The following EPHB1 variants were observed in gnomAD, a reference collection of about 807,000 sequenced individuals.
EPHB1 encodes ephrin type-B receptor 1.
Under a neutral mutation model 94.4 loss-of-function variants are expected in EPHB1, and 30 were observed. That is an observed-to-expected ratio of 0.32 (90% CI 0.24 to 0.43). The LOEUF is 0.43. EPHB1 is among the 20% of genes least tolerant of loss of function. The pLI is 1.00. For missense variants in EPHB1, 1,055 were observed against 1,308.3 expected (o/e 0.81, Z 2.99); for synonymous variants, 522 against 489.1 (o/e 1.07, Z -0.89).
chr3:135,157,686 G>A (rs1476864797), intron 6 of EPHB1, among the ~76,000 whole-genome samples: 1 of 152,188 alleles, frequency 6.6e-6, no homozygotes. Flanking sequence ...CTTCACTTAC[G>A]AAGTGCTTGA....
At chr3:135,055,606 T>C (rs58786669) in intron 3 of EPHB1, among the ~76,000 whole-genome samples, 2,268 of 152,304 alleles carry the variant, frequency 0.015, 69 homozygotes, top group African/African-American at 0.053. Context: ...CCTGGGCATC[T>C]TCCAAGGCTT....
At chr3:135,110,837 C>T (rs1939413270) in intron 4 of EPHB1, among the ~76,000 whole-genome samples, 1 of 152,094 alleles carries the variant, frequency 6.6e-6, no homozygotes, top group South Asian at 2.1e-4. Flanking sequence ...AGTTGTTTCC[C>T]TCTTTTATCC....
chr3:134,799,562 G>A (rs2035895785), intron 1 of EPHB1, among the ~76,000 whole-genome samples: 1 of 152,208 alleles, frequency 6.6e-6, no homozygotes, highest in South Asian at 2.1e-4. Flanking sequence ...GAAAAGTCTT[G>A]GCAATGTAAA....
At chr3:134,902,954 G>A (rs1450967788) in intron 1 of EPHB1, among the ~76,000 whole-genome samples, 1 of 152,206 alleles carries the variant, frequency 6.6e-6, no homozygotes, top group Non-Finnish European at 1.5e-5. Flanking sequence ...TCTTCACCAG[G>A]CATCTGTAAA....
intron 1 of EPHB1, among the ~76,000 whole-genome samples, chr3:134,892,879 C>T (rs957417315): frequency 5.3e-5 from 8 of 151,714 alleles, no homozygotes; most frequent in East Asian, 3.9e-4. Flanking sequence ...GGCCTCTTCT[C>T]GGCAGAATTA....
At chr3:135,110,509 C>G (rs983637568) in intron 4 of EPHB1, among the ~76,000 whole-genome samples, 4 of 152,042 alleles carry the variant, frequency 2.6e-5, no homozygotes, top group African/African-American at 9.7e-5. Context: ...AGACCTGGGG[C>G]AAGTTACTTA....
rs1414270244 is a variant in EPHB1, at chr3:134,923,320, G to A, written c.59-2496G>A. Among the ~76,000 whole-genome samples the A allele has an allele frequency of 5.9e-5, 9 of 152,168 alleles. 1 individual carries two copies. Among genetic ancestry groups the A allele is most frequent in the African/African-American group, 9.7e-5 (4 of 41,446 alleles). On this transcript the variant is annotated intron_variant, in intron 1 of 15. Coordinates refer to ENST00000398015, the MANE Select transcript of EPHB1 (RefSeq NM_004441.5). Reference sequence around the variant, plus strand: ...AGAAGTGCTATCTGGGTTACAGGTAGGCCCATCATGTTAAGCTGTGGAGGA... The same window carrying A: ...AGAAGTGCTATCTGGGTTACAGGTAAGCCCATCATGTTAAGCTGTGGAGGA...
intron 15 of EPHB1, among the ~76,000 whole-genome samples, chr3:135,255,387 A>G (rs1933333312): frequency 6.9e-6 from 1 of 144,134 alleles, no homozygotes; most frequent in Non-Finnish European, 1.5e-5. Flanking sequence ...CACTGCTTTG[A>G]ATGCATCCCA....
chr3:134,952,605 G>A (rs1001265375), intron 3 of EPHB1, among the ~76,000 whole-genome samples: 29 of 152,326 alleles, frequency 1.9e-4, no homozygotes, highest in African/African-American at 6.7e-4. Flanking sequence ...TGGCTTGGCT[G>A]TCTTTCTCTA....
At position 134,923,539 on chromosome 3, in the gene EPHB1, C is replaced by A. The variant is rs116076991; in HGVS notation, c.59-2277C>A. On this transcript the variant is annotated intron_variant, in intron 1 of 15. Transcript: ENST00000398015. ...ATGTTAGTCTGGTGGGGCCATTGGCCACTCCCTCACCTCCCTAGGATGCTG... is the reference window on the plus strand; with the variant it reads ...ATGTTAGTCTGGTGGGGCCATTGGCAACTCCCTCACCTCCCTAGGATGCTG... Among the ~76,000 whole-genome samples the A allele has an allele frequency of 5.7e-3, 871 of 152,274 alleles. 4 individuals carry two copies. The highest frequency in any genetic ancestry group is 0.02 in the African/African-American group (828 of 41,552).
At chr3:134,854,127 A>G (rs1040384562) in intron 1 of EPHB1, among the ~76,000 whole-genome samples, 13 of 152,206 alleles carry the variant, frequency 8.5e-5, no homozygotes, top group African/African-American at 2.9e-4. Context: ...TTGAAGCTCC[A>G]GGCATATGAC....
intron 1 of EPHB1, among the ~76,000 whole-genome samples, chr3:134,867,138 T>C (rs2037397407): frequency 6.6e-6 from 1 of 152,160 alleles, no homozygotes; most frequent in Non-Finnish European, 1.5e-5. Context: ...TTTTATACTC[T>C]AGGTGTAGGC....
intron 12 of EPHB1, among the ~76,000 whole-genome samples, chr3:135,227,045 T>G (rs1305530463): frequency 6.6e-6 from 1 of 152,126 alleles, no homozygotes; most frequent in Non-Finnish European, 1.5e-5. Context: ...AGACATGGAT[T>G]GAAAAATCCA....
At chr3:134,876,480 G>T (rs1189557447) in intron 1 of EPHB1, among the ~76,000 whole-genome samples, 1 of 152,206 alleles carries the variant, frequency 6.6e-6, no homozygotes, top group African/African-American at 2.4e-5. Flanking sequence ...CAGGCAACAC[G>T]AGGGCCTGGA....
chr3:135,223,571 T>C (rs1943321398), intron 12 of EPHB1, among the ~76,000 whole-genome samples: 2 of 152,204 alleles, frequency 1.3e-5, no homozygotes, highest in Non-Finnish European at 1.5e-5. Flanking sequence ...AGACACTTTA[T>C]TGTATTTTAG....
intron 12 of EPHB1, among the ~76,000 whole-genome samples, chr3:135,202,860 C>T (rs1034369186): frequency 2.6e-4 from 39 of 152,160 alleles, no homozygotes; most frequent in Admixed American, 6.5e-4. Flanking sequence ...ACCGAGCAAT[C>T]CTTTACTGGG....
At chr3:135,039,897 A>G (rs1332619089) in intron 3 of EPHB1, among the ~76,000 whole-genome samples, 1 of 152,148 alleles carries the variant, frequency 6.6e-6, no homozygotes, top group Non-Finnish European at 1.5e-5. Context: ...GGGCTCCTCA[A>G]ATGCCACCAA....
At chr3:135,016,035 G>A (rs966229516) in intron 3 of EPHB1, among the ~76,000 whole-genome samples, 15 of 152,168 alleles carry the variant, frequency 9.9e-5, no homozygotes, top group Admixed American at 4.6e-4. Flanking sequence ...CAGCACAGAC[G>A]TTGCTCTCAA....
chr3:135,085,019 T>C (rs1938303329), intron 3 of EPHB1, among the ~76,000 whole-genome samples: 1 of 152,146 alleles, frequency 6.6e-6, no homozygotes, highest in Non-Finnish European at 1.5e-5. Flanking sequence ...ACCTCACAGG[T>C]AGCAAGGGTT....
Sources: gnomAD v4.1 joint callset for allele counts (sites outside exome capture counted in the v4.1 genomes callset) on GRCh38, gnomAD v4.1.1 for gene constraint, MANE v1.5 for transcripts, NCBI Gene and HGNC (gene_info 2026-07-23, HGNC 2026-07-21) for gene names.